OVCH1: variants seen among roughly 807,000 people sequenced by gnomAD.
OVCH1 encodes ovochymase 1.
OVCH1 carries 139 observed loss-of-function variants against 138.4 expected under a neutral mutation model. The ratio of observed to expected loss-of-function variants is 1.00; its 90% CI spans 0.87 to 1.16. The LOEUF is 1.16. Ranked by LOEUF, OVCH1 falls within the 50% of genes most tolerant of loss-of-function variation. The pLI, the probability that OVCH1 is intolerant of heterozygous loss-of-function variation, is 0.00. For missense variants in OVCH1, 1,367 were observed against 1,357.9 expected (o/e 1.01, Z -0.11); for synonymous variants, 453 against 467.8 (o/e 0.97, Z 0.41).
chr12:29,480,466 A>G (rs192149720), intron 8 of OVCH1, among the ~76,000 whole-genome samples: 36 of 152,324 alleles, frequency 2.4e-4, no homozygotes, highest in Admixed American at 1.0e-3. Flanking sequence ...AAAGATGAAA[A>G]ATAGGTTTCA....
At chr12:29,488,014 A>C in intron 6 of OVCH1, 132 bp from the exon 7 acceptor site, 1 of 828,456 alleles carries the variant, frequency 1.2e-6, no homozygotes, top group Non-Finnish European at 1.8e-6. Flanking sequence ...GTCATCGTCC[A>C]TCAGCTTTTT....
chr12:29,421,630 TTACAC>T (rs1366087396), intron 3 of OVCH1, among the ~76,000 whole-genome samples: 4 of 152,224 alleles, frequency 2.6e-5, no homozygotes, highest in African/African-American at 9.6e-5. Flanking sequence ...TCAAAACACT[TTACAC>T]TACACGTATT....
chr12:29,491,279 C>T, intron 4 of OVCH1, 87 bp from the exon 5 acceptor site: 1 of 1,093,130 alleles, frequency 9.1e-7, no homozygotes, highest in Non-Finnish European at 1.3e-6. Flanking sequence ...GATTTCATGG[C>T]TTCTACACTT....
the OVCH1 span, among the ~76,000 whole-genome samples, chr12:29,406,172 A>G: frequency 6.7e-6 from 1 of 150,362 alleles, no homozygotes; most frequent in African/African-American, 2.4e-5. Context: ...GAGTAATTAC[A>G]TAGAAATGAG....
chr12:29,430,774 C>A, intron 27 of OVCH1: 1 of 338,142 alleles, frequency 3.0e-6, no homozygotes, highest in South Asian at 2.4e-5. Flanking sequence ...TCCTTCTATT[C>A]CTGCCTGTGG....
intron 2 of OVCH1, 122 bp downstream of exon 2, chr12:29,496,434 T>C: frequency 8.8e-7 from 1 of 1,136,174 alleles, no homozygotes; most frequent in Non-Finnish European, 1.3e-6. Flanking sequence ...AGTAAACTTT[T>C]TGGTAGAGAG....
In OVCH1 at chr12:29,477,449, G is replaced by A. The variant is rs1324891782; in HGVS notation, c.1138C>T (p.Pro380Ser). Reference sequence around the variant, plus strand: ...GCCTCACTGGTCTCTGCCAGCAATGGTGAAGGCAATATTTTTCCACAGACC... The same window carrying A: ...GCCTCACTGGTCTCTGCCAGCAATGATGAAGGCAATATTTTTCCACAGACC... Residue 380 changes from proline (P) to serine (S), a missense_variant, in exon 11 of 28, where the codon CCA (proline) becomes TCA (serine). Coordinates refer to ENST00000318184, the Ensembl canonical transcript of OVCH1. 3 of 1,613,936 alleles carry A rather than the reference G, an allele frequency of 1.9e-6. No homozygotes were observed. The South Asian group carries it at 3.3e-5, about 18-fold the overall frequency.
downstream of OVCH1, among the ~76,000 whole-genome samples, chr12:29,412,075 T>C (rs1435422906): frequency 6.6e-6 from 1 of 152,032 alleles, no homozygotes; most frequent in African/African-American, 2.4e-5. Flanking sequence ...GTGCTAGCAA[T>C]CAGCGAGACT....
chr12:29,485,700 C>T (rs906195222), intron 8 of OVCH1, among the ~76,000 whole-genome samples: 6 of 151,710 alleles, frequency 4.0e-5, no homozygotes, highest in African/African-American at 7.3e-5. Flanking sequence ...GGCGTTAACC[C>T]GGAAGGCGGA....
At chr12:29,464,598 C>T (rs752374641) in exon 18 of OVCH1, 22 of 1,613,558 alleles carry the variant, frequency 1.4e-5, no homozygotes, top group East Asian at 4.5e-5. Flanking sequence ...GCCTCACCAC[C>T]GAGTTGTACT....
At chr12:29,430,214 T>C (rs1450453735) in intron 27 of OVCH1, among the ~76,000 whole-genome samples, 3 of 151,934 alleles carry the variant, frequency 2.0e-5, no homozygotes, top group Non-Finnish European at 4.4e-5. Flanking sequence ...AATATTTCAC[T>C]TCCCCCATAA....
intron 27 of OVCH1, chr12:29,433,745 A>G (rs767790727): frequency 2.8e-6 from 4 of 1,425,378 alleles, no homozygotes; most frequent in Middle Eastern, 2.1e-4. Context: ...CTTATGATAT[A>G]CTTACATAAC....
In OVCH1 at chr12:29,428,519, G is replaced by A. The variant is rs1237717046; in HGVS notation, c.3328-871C>T. Among the ~76,000 whole-genome samples the A allele has an allele frequency of 2.0e-5, 3 of 152,186 alleles. No homozygotes were observed. In the East Asian group the frequency reaches 5.8e-4, roughly 29 times the overall value. The stretch of plus-strand genomic sequence containing the variant: ...GGTATTGACAGGAATTAGGGTTGAA[G>A]AGTATGGTGCTATGGAGACCCATGG... On this transcript the variant is annotated intron_variant, in intron 27 of 27. Coordinates refer to ENST00000318184, the Ensembl canonical transcript of OVCH1.
chr12:29,486,379 C>T (rs766091889), intron 7 of OVCH1, 31 bp from the exon 8 acceptor site: 3 of 1,453,958 alleles, frequency 2.1e-6, no homozygotes, highest in Non-Finnish European at 1.9e-6. Flanking sequence ...TAGTGCCTTT[C>T]CCAATAATAA....
At chr12:29,481,806 T>C (rs577750208) in intron 8 of OVCH1, among the ~76,000 whole-genome samples, 1 of 152,314 alleles carries the variant, frequency 6.6e-6, no homozygotes, top group African/African-American at 2.4e-5. Context: ...CAGACAACAG[T>C]TCTATTCTTC....
At chr12:29,486,278 T>C in exon 8 of OVCH1, 4 of 1,613,844 alleles carry the variant, frequency 2.5e-6, no homozygotes, top group Non-Finnish European at 3.4e-6. Context: ...CATTCACTTC[T>C]TGGACAGAAC....
At chr12:29,415,502 A>G (rs1236632661) in intron 3 of OVCH1, among the ~76,000 whole-genome samples, 8 of 152,234 alleles carry the variant, frequency 5.3e-5, no homozygotes, top group South Asian at 2.1e-4. Context: ...ATATAAGGTC[A>G]ACACAAAGAA....
intron 19 of OVCH1, among the ~76,000 whole-genome samples, chr12:29,456,452 G>GA (rs1941953424): frequency 6.6e-6 from 1 of 152,164 alleles, no homozygotes. Flanking sequence ...CAAGCACTAA[G>GA]AAGCTCTCGT....
downstream of OVCH1, among the ~76,000 whole-genome samples, chr12:29,411,945 G>A (rs908993114): frequency 2.7e-5 from 4 of 150,622 alleles, no homozygotes; most frequent in African/African-American, 7.3e-5. Flanking sequence ...TCCTTGAGCT[G>A]TGTTGGGCTC....
Sources: allele counts gnomAD v4.1 joint callset (sites outside exome capture counted in the v4.1 genomes callset), GRCh38; gene constraint gnomAD v4.1.1; transcripts MANE v1.5; gene names NCBI Gene and HGNC (gene_info 2026-07-23, HGNC 2026-07-21).